The following GRIA2 variants were observed in gnomAD, a reference collection of about 807,000 sequenced individuals.
GRIA2 encodes the protein glutamate receptor 2.
In GRIA2, 14 loss-of-function variants were observed where a neutral mutation model predicts 97.3. The ratio of observed to expected loss-of-function variants is 0.14; its 90% CI spans 0.10 to 0.23. The LOEUF (loss-of-function observed/expected upper bound fraction) is 0.23, where lower values mean the gene tolerates loss of function less well. Among genes scored for constraint, GRIA2 ranks in the 10% least tolerant of loss-of-function variants. GRIA2 has a pLI of 1.00. For synonymous variants in GRIA2, 412 were observed against 387.8 expected (o/e 1.06, Z -0.73); for missense variants, 558 against 1,069.8 (o/e 0.52, Z 6.67).
In GRIA2 at chr4:157,312,729, C is replaced by A; in HGVS notation, c.520C>A (p.Gln174Lys). 6.2e-7 allele frequency: 1 copy of A among 1,610,462 alleles called. No homozygotes were observed. ...VLDSAAEKKWQVTAINVGNIN... is the reference protein window; with the variant it reads ...VLDSAAEKKWKVTAINVGNIN... ...GGATTCTGCTGCTGAAAAGAAATGG[C>A]AAGTGACTGCTATCAATGTGGGAAA... is the stretch of plus-strand genomic sequence containing the variant. The change falls in exon 4 of 16, where the codon CAA becomes AAA. Residue 174 changes from glutamine to lysine, a missense_variant. Gln to Lys is a moderately conservative substitution (Grantham distance 53). Coordinates refer to ENST00000264426, the MANE Select transcript of GRIA2 (RefSeq NM_001083619.3).
In GRIA2 at chr4:157,355,914, T is replaced by TAAA. The variant is rs1736287637; in HGVS notation, c.2044-3982_2044-3981insAAA. Among the ~76,000 whole-genome samples the TAAA allele has an allele frequency of 6.6e-5, 3 of 45,624 alleles. 1 individual carries two copies. Among genetic ancestry groups the TAAA allele is most frequent in the Admixed American group, 1.0e-3 (2 of 1,956 alleles). The allele number at this position is 45,624 out of a possible 152,430, so 29.9% of individuals were successfully genotyped here. ...ATATTTATATATAAATATATATATA[T>TAAA]TAATATATTTATATATATTTATATA... On this transcript the variant is annotated intron_variant, in intron 12 of 15. Coordinates refer to ENST00000264426, the MANE Select transcript of GRIA2 (RefSeq NM_001083619.3).
At chr4:157,306,238 A>G (rs998337113) in intron 3 of GRIA2, among the ~76,000 whole-genome samples, 8 of 152,158 alleles carry the variant, frequency 5.3e-5, no homozygotes, top group African/African-American at 1.9e-4. Context: ...GAAAAATTCA[A>G]AAAGACAACA....
chr4:157,307,452 G>A (rs772731652), intron 3 of GRIA2, among the ~76,000 whole-genome samples: 1 of 152,136 alleles, frequency 6.6e-6, no homozygotes. Flanking sequence ...CTGGTGCCAG[G>A]TGATCTTTTA....
chr4:157,262,777 A>G (rs1440933327), intron 2 of GRIA2, among the ~76,000 whole-genome samples: 1 of 151,934 alleles, frequency 6.6e-6, no homozygotes, highest in African/African-American at 2.4e-5. Context: ...TTAACCCCTA[A>G]AGAAAGGGGC....
At chr4:157,309,694 T>C (rs531181757) in intron 3 of GRIA2, among the ~76,000 whole-genome samples, 1 of 152,266 alleles carries the variant, frequency 6.6e-6, no homozygotes, top group African/African-American at 2.4e-5. Context: ...CTGCCGGAAA[T>C]TTTAGATTTA....
chr4:157,251,184 A>C (rs902538958), intron 2 of GRIA2, among the ~76,000 whole-genome samples: 8 of 152,134 alleles, frequency 5.3e-5, no homozygotes, highest in Non-Finnish European at 8.8e-5. Flanking sequence ...AGACAGGGGC[A>C]GACTCACATC....
intron 2 of GRIA2, among the ~76,000 whole-genome samples, chr4:157,296,567 T>G (rs1026184649): frequency 6.6e-6 from 1 of 152,114 alleles, no homozygotes; most frequent in East Asian, 1.9e-4. Flanking sequence ...AATTTAAACT[T>G]AAAAGAATTC....
At position 157,364,974 on chromosome 4, in the gene GRIA2, C is replaced by G. The variant is rs1321311603; in HGVS notation, c.*1543C>G. ...CTATCTTTCCCTTCATAAAATACCTCTTATTTCCATTAAAGCCCCCCAAGT... is the reference window on the plus strand; with the variant it reads ...CTATCTTTCCCTTCATAAAATACCTGTTATTTCCATTAAAGCCCCCCAAGT... On this transcript the variant is annotated 3_prime_UTR_variant, in exon 16 of 16. Coordinates refer to ENST00000264426, the MANE Select transcript of GRIA2 (RefSeq NM_001083619.3). The G allele has an allele frequency of 6.6e-6, 1 of 151,586 alleles. No individual in the cohort carries two copies. The highest frequency in any genetic ancestry group is 1.5e-5 in the Non-Finnish European group (1 of 67,688). 9.4% of individuals were successfully genotyped at this position (151,586 alleles called of 1,614,324 possible).
intron 2 of GRIA2, among the ~76,000 whole-genome samples, chr4:157,247,382 G>T (rs1363969315): frequency 6.6e-6 from 1 of 152,152 alleles, no homozygotes; most frequent in Non-Finnish European, 1.5e-5. Context: ...CCTGTATTTT[G>T]TGTAAATGTG....
intron 3 of GRIA2, among the ~76,000 whole-genome samples, chr4:157,312,023 G>C (rs1428996814): frequency 6.6e-6 from 1 of 151,928 alleles, no homozygotes; most frequent in African/African-American, 2.4e-5. Flanking sequence ...GTAAATCTAT[G>C]CTAGAGAAAT....
Position 157,293,451 on chromosome 4 carries a change from G to A in GRIA2, c.230-10101G>A, listed in dbSNP as rs536426682. On this transcript the variant is annotated intron_variant, in intron 2 of 15. Coordinates refer to ENST00000264426, the MANE Select transcript of GRIA2 (RefSeq NM_001083619.3). ...AAGTAAGCCACAAGATAATTGTTCT[G>A]TGGTGTCCTTAATCAAAAACATAAC... Among the ~76,000 whole-genome samples the A allele has an allele frequency of 6.6e-5, 10 of 152,214 alleles. No homozygotes were observed. In the East Asian group the frequency reaches 1.5e-3, roughly 24 times the overall value.
chr4:157,290,034 G>T (rs568778819), intron 2 of GRIA2, among the ~76,000 whole-genome samples: 1 of 151,912 alleles, frequency 6.6e-6, no homozygotes, highest in African/African-American at 2.4e-5. Flanking sequence ...AGCATTAAAT[G>T]ACTTTATAGA....
intron 5 of GRIA2, among the ~76,000 whole-genome samples, 190 bp downstream of exon 5, chr4:157,317,901 A>G (rs542543746): frequency 1.3e-3 from 204 of 152,254 alleles, no homozygotes; most frequent in African/African-American, 4.7e-3. Context: ...GCTTGAATCC[A>G]GAAGGCGGAG....
At chr4:157,349,110 G>C (rs759410892) in intron 12 of GRIA2, among the ~76,000 whole-genome samples, 38 of 152,156 alleles carry the variant, frequency 2.5e-4, no homozygotes, top group Non-Finnish European at 4.4e-4. Context: ...GGAGATCAGA[G>C]TCTTCAAACA....
chr4:157,363,212 T>G (rs1032495069), intron 15 of GRIA2, 165 bp downstream of exon 15: 1 of 775,572 alleles, frequency 1.3e-6, no homozygotes, highest in Non-Finnish European at 2.0e-6. Context: ...CAACTGTCTA[T>G]TTTCCTCTTT....
At chr4:157,338,043 TATATATAC>T (rs1350118175) in intron 11 of GRIA2, among the ~76,000 whole-genome samples, 7,375 of 21,596 alleles carry the variant, frequency 0.34, 457 homozygotes, top group South Asian at 0.54. Flanking sequence ...TATATATATA[TATATATAC>T]ACACACATTT....
chr4:157,261,116 G>T (rs1241166451), intron 2 of GRIA2, among the ~76,000 whole-genome samples: 1 of 152,084 alleles, frequency 6.6e-6, no homozygotes, highest in East Asian at 1.9e-4. Context: ...TGGATTCATA[G>T]TTCCATATGG....
At chr4:157,261,280 G>T (rs1004693344) in intron 2 of GRIA2, among the ~76,000 whole-genome samples, 2 of 151,996 alleles carry the variant, frequency 1.3e-5, no homozygotes, top group African/African-American at 4.8e-5. Context: ...TTAAATCTTT[G>T]TATTCAGAAT....
At chr4:157,298,374 G>A (rs577691407) in intron 2 of GRIA2, among the ~76,000 whole-genome samples, 1 of 152,076 alleles carries the variant, frequency 6.6e-6, no homozygotes, top group Admixed American at 6.6e-5. Context: ...GGTGATGGAT[G>A]ACATGCATAG....
Sources: allele counts gnomAD v4.1 joint callset (sites outside exome capture counted in the v4.1 genomes callset), GRCh38; gene constraint gnomAD v4.1.1; transcripts MANE v1.5; gene names NCBI Gene and HGNC (gene_info 2026-07-23, HGNC 2026-07-21).